The following DCLK1 variants were observed in gnomAD, a reference collection of about 807,000 sequenced individuals.
DCLK1 encodes serine/threonine-protein kinase DCLK1.
A neutral mutation model predicts 86.2 loss-of-function variants in DCLK1; 16 were observed. That is an observed-to-expected ratio of 0.19 (90% CI 0.13 to 0.28). DCLK1 has a LOEUF of 0.28. DCLK1 is among the 10% of genes least tolerant of loss of function. The probability of loss-of-function intolerance (pLI) is 1.00; values close to 1 mark genes in which losing one functional copy is unlikely to be tolerated. For missense variants in DCLK1, 590 were observed against 940.2 expected (o/e 0.63, Z 4.87); for synonymous variants, 369 against 370.5 (o/e 1.00, Z 0.05).
chr13:35,980,979 C>T (rs1167478854), intron 3 of DCLK1, among the ~76,000 whole-genome samples: 1 of 151,788 alleles, frequency 6.6e-6, no homozygotes, highest in African/African-American at 2.4e-5. Flanking sequence ...TATGAAGACA[C>T]AAATAGGTTA....
At chr13:36,110,915 C>T (rs1281830890) in intron 3 of DCLK1, among the ~76,000 whole-genome samples, 1 of 149,378 alleles carries the variant, frequency 6.7e-6, no homozygotes, top group Admixed American at 6.7e-5. Context: ...ACTGCAAGCT[C>T]CGCCTCCCGG....
chr13:35,996,141 C>G (rs974825312), intron 3 of DCLK1, among the ~76,000 whole-genome samples: 52 of 152,238 alleles, frequency 3.4e-4, no homozygotes, highest in African/African-American at 1.2e-3. Context: ...GTTGGTCATG[C>G]TGGTTGCAAA....
At position 35,889,711 on chromosome 13, in the gene DCLK1, C is replaced by T. The variant is rs78980941; in HGVS notation, c.824-18371G>A. Among the ~76,000 whole-genome samples the T allele has an allele frequency of 6.6e-3, 998 of 152,096 alleles. 10 individuals carry two copies. Among genetic ancestry groups the T allele is most frequent in the African/African-American group, 0.023 (940 of 41,512 alleles). On this transcript the variant is annotated intron_variant, in intron 4 of 16. Transcript: ENST00000360631. Reference sequence around the variant, plus strand: ...CTTAGCTTTTGGGTCTCTGAGTCACCGCCCAATCCTCATTTATGACATTTA... The same window carrying T: ...CTTAGCTTTTGGGTCTCTGAGTCACTGCCCAATCCTCATTTATGACATTTA...
At chr13:36,007,532 T>C (rs1294328551) in intron 3 of DCLK1, among the ~76,000 whole-genome samples, 1 of 152,126 alleles carries the variant, frequency 6.6e-6, no homozygotes, top group African/African-American at 2.4e-5. Context: ...TATTGCATGC[T>C]GGAAAGCTCT....
chr13:36,130,693 A>AT (rs1218322009), intron 1 of DCLK1, among the ~76,000 whole-genome samples: 1 of 152,014 alleles, frequency 6.6e-6, no homozygotes, highest in East Asian at 1.9e-4. Context: ...CACACGGAAA[A>AT]GCACACACAC....
At chr13:36,066,612 G>A (rs550032293) in intron 3 of DCLK1, among the ~76,000 whole-genome samples, 11 of 152,096 alleles carry the variant, frequency 7.2e-5, no homozygotes, top group Non-Finnish European at 1.5e-4. Flanking sequence ...TCATCAGAGT[G>A]AACAGGCAAC....
intron 3 of DCLK1, among the ~76,000 whole-genome samples, chr13:36,044,180 C>A (rs1328707562): frequency 3.9e-5 from 6 of 152,216 alleles, no homozygotes; most frequent in Admixed American, 1.3e-4. Context: ...CTCCCCTTCA[C>A]CTTCTGCCAA....
intron 16 of DCLK1, among the ~76,000 whole-genome samples, chr13:35,775,591 GA>G (rs2086411426): frequency 6.6e-6 from 1 of 152,158 alleles, no homozygotes; most frequent in Admixed American, 6.5e-5. Context: ...ACCTTACACA[GA>G]AAGCAGAAGA....
At chr13:35,905,701 A>C (rs1048568882) in intron 4 of DCLK1, among the ~76,000 whole-genome samples, 4 of 152,038 alleles carry the variant, frequency 2.6e-5, no homozygotes, top group Non-Finnish European at 5.9e-5. Context: ...TTCCCAGCGC[A>C]TTGGGAGGCC....
In DCLK1 at chr13:35,921,193, T is replaced by A. The variant is rs147891835; in HGVS notation, c.823+26165A>T. On this transcript the variant is annotated intron_variant, in intron 4 of 16. Coordinates refer to ENST00000360631, the MANE Select transcript of DCLK1 (RefSeq NM_001330071.2). ...GATATCCCAAATCCGTAAAATGGCTTTAGAAGGTTTACCACAGCCTGGCCC... is the reference window on the plus strand; with the variant it reads ...GATATCCCAAATCCGTAAAATGGCTATAGAAGGTTTACCACAGCCTGGCCC... Among the ~76,000 whole-genome samples the A allele has an allele frequency of 7.1e-3, 1,080 of 152,268 alleles. 11 individuals are homozygous for A. The highest frequency in any genetic ancestry group is 0.025 in the African/African-American group (1,033 of 41,556).
chr13:35,984,484 C>T (rs1879805792), intron 3 of DCLK1, among the ~76,000 whole-genome samples: 1 of 152,152 alleles, frequency 6.6e-6, no homozygotes, highest in African/African-American at 2.4e-5. Flanking sequence ...ATCTCCTCTC[C>T]AGGATGGGGC....
chr13:35,772,303 A>G lies in DCLK1; in HGVS notation c.*2232T>C, dbSNP rs2153096469. On this transcript the variant is annotated 3_prime_UTR_variant, in exon 17 of 17. Coordinates refer to ENST00000360631, the MANE Select transcript of DCLK1 (RefSeq NM_001330071.2). ...GAGCCATGCACCGCAGGCTCAGTAC[A>G]CTAGATGCTGTAGCAATATAGTTAA... 6.6e-6 allele frequency: 1 copy of G among 152,284 alleles called. No homozygotes were observed. The highest frequency in any genetic ancestry group is 2.4e-5 in the African/African-American group (1 of 41,540). The allele number at this position is 152,284 out of a possible 1,614,324, so 9.4% of individuals were successfully genotyped here. A position where few individuals can be genotyped will look rare whatever the true frequency, so the allele number is the denominator to read the frequency against.
intron 3 of DCLK1, among the ~76,000 whole-genome samples, chr13:35,979,892 T>C (rs1879548280): frequency 6.6e-6 from 1 of 152,232 alleles, no homozygotes; most frequent in East Asian, 1.9e-4. Context: ...ACACTGGCTC[T>C]TCTGTGATTC....
Position 35,989,711 on chromosome 13 carries a change from C to CT in DCLK1, c.724-42255dup, listed in dbSNP as rs567228278. Among the ~76,000 whole-genome samples the CT allele has an allele frequency of 8.6e-3, 1,156 of 134,170 alleles. 7 individuals are homozygous for CT. The highest frequency in any genetic ancestry group is 0.012 in the Non-Finnish European group (772 of 63,612). The allele number at this position is 134,170 out of a possible 152,430, so 88.0% of individuals were successfully genotyped here. The stretch of plus-strand genomic sequence containing the variant: ...TGCACCATCATGCCTGGCTAATTGG[C>CT]TTTTTTTTTTTTTTTTCCTTTAAGA... On this transcript the variant is annotated intron_variant, in intron 3 of 16. Transcript: ENST00000360631.
chr13:36,031,838 G>T (rs1882289746), intron 3 of DCLK1, among the ~76,000 whole-genome samples: 1 of 152,176 alleles, frequency 6.6e-6, no homozygotes, highest in Non-Finnish European at 1.5e-5. Context: ...TACACAGCTG[G>T]CTGCTGTTTG....
At chr13:36,019,354 T>G (rs1297461762) in intron 3 of DCLK1, among the ~76,000 whole-genome samples, 1 of 152,216 alleles carries the variant, frequency 6.6e-6, no homozygotes. Flanking sequence ...ACCTTTCTAC[T>G]GAACCTTTCT....
chr13:35,960,851 T>C (rs1408111223), intron 3 of DCLK1, among the ~76,000 whole-genome samples: 1 of 152,234 alleles, frequency 6.6e-6, no homozygotes, highest in Non-Finnish European at 1.5e-5. Flanking sequence ...CATGATTCTT[T>C]TTTTCTTCTA....
chr13:35,793,390 T>C lies in DCLK1; in HGVS notation c.2034A>G (p.Thr678=). 1 of 1,607,816 alleles carries C rather than the reference T, an allele frequency of 6.2e-7. No homozygotes were observed. The highest frequency in any genetic ancestry group is 8.5e-7 in the Non-Finnish European group (1 of 1,176,788). Residue 678 remains threonine, a synonymous_variant, in exon 16 of 17, where the codon ACA becomes ACG. Transcript: ENST00000360631. ...CTGCTATGACAGAAACTCCAGCTGC[T>C]GTGCTATTCGGCTTGGGGCCTGTGT... ...HFNTGPKPNS[T]AAGVSVIATT...
At position 35,822,792 on chromosome 13, in the gene DCLK1, G is replaced by A. The variant is rs772511864; in HGVS notation, c.1491C>T (p.Ser497=). Residue 497 remains serine, a synonymous_variant, in exon 11 of 17, where the codon AGC becomes AGT. Coordinates refer to ENST00000360631, the MANE Select transcript of DCLK1 (RefSeq NM_001330071.2). ...DASGMLYNLA[S]AIKYLHSLNI... ...TCAGGCTATGCAGGTATTTGATGGC[G>A]CTGGCTAGGTTGTACAGCATCCCAC... The A allele has an allele frequency of 9.3e-6, 15 of 1,613,764 alleles. No individual in the cohort carries two copies. The highest frequency in any genetic ancestry group is 1.3e-5 in the African/African-American group (1 of 74,800).
Sources: gnomAD v4.1 joint callset for allele counts (sites outside exome capture counted in the v4.1 genomes callset) on GRCh38, gnomAD v4.1.1 for gene constraint, MANE v1.5 for transcripts, NCBI Gene and HGNC (gene_info 2026-07-23, HGNC 2026-07-21) for gene names.